RBM19: variants seen among roughly 807,000 people sequenced by gnomAD.
The protein encoded by RBM19 is RNA binding motif protein 19.
A neutral mutation model predicts 116.8 loss-of-function variants in RBM19; 94 were observed. The ratio of observed to expected loss-of-function variants is 0.80; its 90% CI spans 0.68 to 0.95. The LOEUF (loss-of-function observed/expected upper bound fraction) is 0.95. Among genes scored for constraint, RBM19 ranks in the 40% least tolerant of loss-of-function variants. RBM19 has a pLI of 0.00. For missense variants in RBM19, 1,161 were observed against 1,220.7 expected (o/e 0.95, Z 0.73); for synonymous variants, 475 against 494.1 (o/e 0.96, Z 0.51).
intron 14 of RBM19, among the ~76,000 whole-genome samples, chr12:113,941,267 G>T (rs1323358159): frequency 1.3e-5 from 2 of 152,106 alleles, no homozygotes; most frequent in Non-Finnish European, 2.9e-5. Flanking sequence ...CTGGGCACCT[G>T]TGGGCCTTTT....
chr12:113,897,143 A>G (rs1881391417), intron 21 of RBM19, among the ~76,000 whole-genome samples: 1 of 152,170 alleles, frequency 6.6e-6, no homozygotes. Context: ...TCTCCATTTT[A>G]TAGATGCAGA....
intron 14 of RBM19, 80 bp from the exon 15 acceptor site, chr12:113,940,240 T>A: frequency 7.0e-7 from 1 of 1,435,680 alleles, no homozygotes; most frequent in Non-Finnish European, 9.6e-7. Flanking sequence ...ATCGTGGGGC[T>A]CTCCAGACAA....
intron 16 of RBM19, among the ~76,000 whole-genome samples, chr12:113,930,182 T>C (rs2135885233): frequency 6.6e-6 from 1 of 152,384 alleles, no homozygotes; most frequent in Non-Finnish European, 1.5e-5. Context: ...TCCCTGCATC[T>C]GGCCTGCCCC....
intron 21 of RBM19, among the ~76,000 whole-genome samples, chr12:113,870,742 C>T (rs1190704783): frequency 6.6e-6 from 1 of 152,164 alleles, no homozygotes; most frequent in African/African-American, 2.4e-5. Context: ...CTCCATGTAT[C>T]GTCTCCGCAC....
intron 13 of RBM19, 43 bp downstream of exon 13, chr12:113,945,785 G>GTT (rs1566034351): frequency 6.8e-7 from 1 of 1,475,814 alleles, no homozygotes; most frequent in Non-Finnish European, 9.4e-7. Flanking sequence ...CTCCCCTTCA[G>GTT]TTTGGCCCAG....
At chr12:113,887,634 CAAAAAAAAAA>C (rs35665613) in intron 21 of RBM19, among the ~76,000 whole-genome samples, 1 of 71,176 alleles carries the variant, frequency 1.4e-5, no homozygotes, top group African/African-American at 6.0e-5. Flanking sequence ...GACTCCATCT[CAAAAAAAAAA>C]AAAAAAAGAA....
chr12:113,922,688 C>T (rs1868693589), intron 18 of RBM19, among the ~76,000 whole-genome samples: 1 of 151,672 alleles, frequency 6.6e-6, no homozygotes, highest in South Asian at 2.1e-4. Flanking sequence ...GCTGCCTTTC[C>T]TTGCACCCAA....
intron 16 of RBM19, among the ~76,000 whole-genome samples, chr12:113,936,008 C>A (rs1420311208): frequency 6.6e-6 from 1 of 151,380 alleles, no homozygotes. Flanking sequence ...CCAGCCTGGG[C>A]AACAGAGCAA....
intron 23 of RBM19, among the ~76,000 whole-genome samples, chr12:113,824,983 C>T (rs373134261): frequency 1.4e-4 from 22 of 152,262 alleles, no homozygotes; most frequent in African/African-American, 5.1e-4. Context: ...ACCTTTGCAC[C>T]GGCAGCACCC....
At chr12:113,864,833 T>C (rs1386531962) in intron 21 of RBM19, among the ~76,000 whole-genome samples, 1 of 152,232 alleles carries the variant, frequency 6.6e-6, no homozygotes. Context: ...CCAATCAGTC[T>C]GGTGGGTTTC....
At chr12:113,960,532 G>A (rs1872402103) in intron 2 of RBM19, among the ~76,000 whole-genome samples, 1 of 152,196 alleles carries the variant, frequency 6.6e-6, no homozygotes, top group Admixed American at 6.5e-5. Context: ...AGAAATTGGA[G>A]CATCAAGAAG....
In RBM19 at chr12:113,898,717, A is replaced by G. The variant is rs1359175829; in HGVS notation, c.2558+16252T>C. On this transcript the variant is annotated intron_variant, in intron 21 of 23. Coordinates refer to ENST00000261741, the MANE Select transcript of RBM19 (RefSeq NM_016196.4). The surrounding 1 kb of genome is among the most constrained non-coding windows in gnomAD (Gnocchi z 4.3). ...TGCACAAGCACTTACTTATGCAAAC[A>G]GGCATTCTCTGCATTAGTATTACTG... is the stretch of plus-strand genomic sequence containing the variant. Among the ~76,000 whole-genome samples, 1 of 152,214 alleles carries G rather than the reference A, an allele frequency of 6.6e-6. No homozygotes were observed. The highest frequency in any genetic ancestry group is 2.4e-5 in the African/African-American group (1 of 41,454).
chr12:113,910,892 AGC>A (rs1335646387), intron 21 of RBM19, among the ~76,000 whole-genome samples: 1 of 152,222 alleles, frequency 6.6e-6, no homozygotes, highest in Non-Finnish European at 1.5e-5. Context: ...CCCAAGTGTA[AGC>A]TTCATTTGCA....
intron 21 of RBM19, among the ~76,000 whole-genome samples, chr12:113,891,642 A>G (rs895981014): frequency 2.6e-5 from 4 of 152,198 alleles, no homozygotes; most frequent in Non-Finnish European, 4.4e-5. Flanking sequence ...GGAGGCTTAG[A>G]GGCCCTTAAA....
chr12:113,833,916 A>T (rs545637014), intron 23 of RBM19, among the ~76,000 whole-genome samples: 1 of 151,580 alleles, frequency 6.6e-6, no homozygotes, highest in Non-Finnish European at 1.5e-5. Context: ...GCTAATTTTT[A>T]AAGTTTTTTT....
At chr12:113,861,669 C>T (rs545614062) in intron 21 of RBM19, among the ~76,000 whole-genome samples, 2 of 152,002 alleles carry the variant, frequency 1.3e-5, no homozygotes, top group Non-Finnish European at 2.9e-5. Flanking sequence ...AGCTAAGGGT[C>T]CGGAGAAAGG....
At chr12:113,843,576 A>C (rs537070897) in intron 23 of RBM19, among the ~76,000 whole-genome samples, 25 of 152,324 alleles carry the variant, frequency 1.6e-4, no homozygotes, top group African/African-American at 6.0e-4. Flanking sequence ...AAGTGGGTGG[A>C]AAGCCAGCAG....
At chr12:113,937,884 C>G (rs892618896) in intron 15 of RBM19, among the ~76,000 whole-genome samples, 8 of 151,952 alleles carry the variant, frequency 5.3e-5, no homozygotes, top group Non-Finnish European at 2.9e-5. Flanking sequence ...GACTTGTCAA[C>G]AAATGCCCTT....
At chr12:113,847,340 C>T (rs1877079333) in intron 22 of RBM19, among the ~76,000 whole-genome samples, 1 of 149,726 alleles carries the variant, frequency 6.7e-6, no homozygotes, top group Middle Eastern at 3.4e-3. Context: ...TTTTTCTTTC[C>T]TTTTTTTTTT....
Sources: gnomAD v4.1 joint callset for allele counts (sites outside exome capture counted in the v4.1 genomes callset) on GRCh38, gnomAD v4.1.1 for gene constraint, Gnocchi (gnomAD v3.1) non-coding constraint, MANE v1.5 for transcripts, NCBI Gene and HGNC (gene_info 2026-07-23, HGNC 2026-07-21) for gene names.